The following AJAP1 variants were observed in gnomAD, a reference collection of about 807,000 sequenced individuals.
AJAP1 encodes the protein adherens junction-associated protein 1.
A neutral mutation model predicts 35.0 loss-of-function variants in AJAP1; 5 were observed. That is an observed-to-expected ratio of 0.14 (90% CI 0.07 to 0.30). The LOEUF is 0.30. Among genes scored for constraint, AJAP1 ranks in the 10% least tolerant of loss-of-function variants. The pLI is 1.00. For missense variants in AJAP1, 586 were observed against 571.0 expected, an observed-to-expected ratio of 1.03 and a Z score of -0.27; for synonymous variants, 284 against 249.3, an observed-to-expected ratio of 1.14 and a Z score of -1.31.
At chr1:4,766,073 G>A (rs1182285164) in intron 2 of AJAP1, among the ~76,000 whole-genome samples, 1 of 152,216 alleles carries the variant, frequency 6.6e-6, no homozygotes, top group East Asian at 1.9e-4. Flanking sequence ...TAATCTATAA[G>A]CAGAGCCACC....
rs551640470 is a variant in AJAP1, at chr1:4,788,118, G to A, written c.*5633G>A. The A allele has an allele frequency of 9.5e-6, 2 of 211,058 alleles. No homozygotes were observed. The highest frequency in any genetic ancestry group is 1.2e-4 in the Admixed American group (2 of 16,820). 13.1% of individuals were successfully genotyped at this position (211,058 alleles called of 1,614,324 possible). ...TTGTACATTGATGTGCCGCCTGCTA[G>A]GAAGATAAACTCCCTCTTTGCTCAC... On this transcript the variant is annotated 3_prime_UTR_variant, in exon 6 of 6. Transcript: ENST00000378191.
chr1:4,713,620 C>T (rs901802483), intron 2 of AJAP1, among the ~76,000 whole-genome samples: 2 of 152,228 alleles, frequency 1.3e-5, no homozygotes, highest in East Asian at 1.9e-4. Flanking sequence ...GCCCTGGGCA[C>T]CCCGTCACCC....
In AJAP1 at chr1:4,656,560, G is replaced by C. The variant is rs1486584878; in HGVS notation, c.29+1106G>C. The stretch of plus-strand genomic sequence containing the variant: ...CCACTCAGGGATGAAGCTGCGGGGG[G>C]AGTGAGGCGAAGGGAGGGAGGATCT... On this transcript the variant is annotated intron_variant, in intron 1 of 5. Transcript: ENST00000378191. The surrounding 1 kb of genome is among the most constrained non-coding windows in gnomAD (Gnocchi z 5.7). 6.6e-6 allele frequency among the ~76,000 whole-genome samples: 1 copy of C among 152,204 alleles called. No homozygotes were observed. The highest frequency in any genetic ancestry group is 1.5e-5 in the Non-Finnish European group (1 of 68,040).
intron 1 of AJAP1, among the ~76,000 whole-genome samples, chr1:4,678,209 T>C (rs1557605209): frequency 6.6e-6 from 1 of 152,230 alleles, no homozygotes; most frequent in African/African-American, 2.4e-5. Flanking sequence ...CAAATATTTG[T>C]GAAGCAGTTA....
chr1:4,657,327 G>A (rs1053690096), intron 1 of AJAP1, among the ~76,000 whole-genome samples: 2 of 152,116 alleles, frequency 1.3e-5, no homozygotes, highest in African/African-American at 4.8e-5. Flanking sequence ...TGTCAGCACA[G>A]GAGATTTTCT....
rs1342872676 is a variant in AJAP1 at position 4,654,749 on chromosome 1, G to C, written c.-677G>C. On this transcript the variant is annotated 5_prime_UTR_variant, in exon 1 of 6. Transcript: ENST00000378191. The surrounding 1 kb of genome is among the most constrained non-coding windows in gnomAD (Gnocchi z 5.1). ...CGCGTCCCCACGCCCCGCGCTCCAC[G>C]GCGCCCTCGCCCCGCGCGCCTCTCG... The C allele has an allele frequency of 6.7e-6, 1 of 148,406 alleles. No homozygotes were observed. Among genetic ancestry groups the C allele is most frequent in the Non-Finnish European group, 1.5e-5 (1 of 66,816 alleles). 9.2% of individuals were successfully genotyped at this position (148,406 alleles called of 1,614,324 possible).
intron 5 of AJAP1, among the ~76,000 whole-genome samples, chr1:4,776,461 C>T (rs1022424371): frequency 6.6e-6 from 1 of 152,306 alleles, no homozygotes. Context: ...CTGCCTGGCT[C>T]CGGGACATCC....
chr1:4,671,730 G>A (rs371004415), intron 1 of AJAP1, among the ~76,000 whole-genome samples: 1 of 152,152 alleles, frequency 6.6e-6, no homozygotes, highest in African/African-American at 2.4e-5. Context: ...TAATCTGAAA[G>A]GTATAGGCCC....
In AJAP1 at chr1:4,655,997, G is replaced by C. The variant is rs372847866; in HGVS notation, c.29+543G>C. ...GGGGCCTCCCAGGCTCCCAGCTGCC[G>C]ACCCAGCTGTTTGCGGGTGACCTCC... On this transcript the variant is annotated intron_variant, in intron 1 of 5. Transcript: ENST00000378191. This position sits in a 1 kb window ranked among gnomAD's most constrained non-coding sequence, Gnocchi z 6.9. Among the ~76,000 whole-genome samples, 3,125 of 152,138 alleles carry C rather than the reference G, an allele frequency of 0.021. 107 individuals are homozygous for C. The highest frequency in any genetic ancestry group is 0.074 in the South Asian group (357 of 4,816).
intron 2 of AJAP1, among the ~76,000 whole-genome samples, chr1:4,758,415 T>C (rs1641487121): frequency 6.6e-6 from 1 of 152,160 alleles, no homozygotes; most frequent in Non-Finnish European, 1.5e-5. Flanking sequence ...TCTGCATGGC[T>C]GGGGTGGCCT....
At chr1:4,705,276 T>TA (rs1640075971) in intron 1 of AJAP1, among the ~76,000 whole-genome samples, 1 of 151,370 alleles carries the variant, frequency 6.6e-6, no homozygotes, top group African/African-American at 2.4e-5. Context: ...CCTAAAACCG[T>TA]AAAAACCCTA....
intron 2 of AJAP1, among the ~76,000 whole-genome samples, chr1:4,727,127 G>A (rs908504996): frequency 1.3e-5 from 2 of 152,244 alleles, no homozygotes; most frequent in African/African-American, 2.4e-5. Context: ...GAGCTGGGGC[G>A]CACACAGCTC....
chr1:4,668,007 G>A (rs563315664), intron 1 of AJAP1, among the ~76,000 whole-genome samples: 5 of 152,230 alleles, frequency 3.3e-5, no homozygotes, highest in Non-Finnish European at 7.4e-5. Flanking sequence ...TTGAGGTCAG[G>A]AGTTCAAGAC....
At chr1:4,687,615 T>C (rs1032802605) in intron 1 of AJAP1, among the ~76,000 whole-genome samples, 1 of 151,914 alleles carries the variant, frequency 6.6e-6, no homozygotes, top group Non-Finnish European at 1.5e-5. Context: ...TTTAGGAAAA[T>C]AGGACATTGG....
At chr1:4,689,545 G>T (rs567299849) in intron 1 of AJAP1, among the ~76,000 whole-genome samples, 41 of 152,200 alleles carry the variant, frequency 2.7e-4, no homozygotes, top group Non-Finnish European at 5.0e-4. Flanking sequence ...GGCAGGTGAA[G>T]GCCAGACAAG....
chr1:4,730,846 G>C (rs569374205), intron 2 of AJAP1, among the ~76,000 whole-genome samples: 4 of 152,178 alleles, frequency 2.6e-5, no homozygotes, highest in Non-Finnish European at 5.9e-5. Context: ...CCTGCACTTG[G>C]TGCTCCAGTG....
At chr1:4,668,197 G>A (rs1639176899) in intron 1 of AJAP1, among the ~76,000 whole-genome samples, 1 of 123,294 alleles carries the variant, frequency 8.1e-6, no homozygotes, top group African/African-American at 3.1e-5. Flanking sequence ...CTGGGTGACA[G>A]AGTGAAACTC....
rs1279865165 is a variant in AJAP1, at chr1:4,655,974, GGCCTCCCAGGCTCCCAGCT to G, written c.29+524_29+542del. 1.3e-5 allele frequency among the ~76,000 whole-genome samples: 2 copies of G among 152,092 alleles called. No homozygotes were observed. Among genetic ancestry groups the G allele is most frequent in the Non-Finnish European group, 2.9e-5 (2 of 67,994 alleles). On this transcript the variant is annotated intron_variant, in intron 1 of 5. Coordinates refer to ENST00000378191, the MANE Select transcript of AJAP1 (RefSeq NM_018836.4). The surrounding 1 kb of genome is among the most constrained non-coding windows in gnomAD (Gnocchi z 6.9). ...TCTCGGGGCCCCGGGGCTGAGCAGGGGCCTCCCAGGCTCCCAGCTGCCGACCCAGCTGTTTGCGGGTGAC... is the reference window on the plus strand; with the variant it reads ...TCTCGGGGCCCCGGGGCTGAGCAGGGGCCGACCCAGCTGTTTGCGGGTGAC...
At chr1:4,681,905 T>C (rs563904989) in intron 1 of AJAP1, among the ~76,000 whole-genome samples, 1 of 152,230 alleles carries the variant, frequency 6.6e-6, no homozygotes, top group Non-Finnish European at 1.5e-5. Context: ...AAAGCTTCTC[T>C]GGAGCCTGCC....
Sources: allele counts gnomAD v4.1 joint callset (sites outside exome capture counted in the v4.1 genomes callset), GRCh38; gene constraint gnomAD v4.1.1; non-coding constraint Gnocchi (gnomAD v3.1); transcripts MANE v1.5; gene names NCBI Gene and HGNC (gene_info 2026-07-23, HGNC 2026-07-21).